RPP30: variants seen among roughly 807,000 people sequenced by gnomAD.
RPP30 encodes ribonuclease P protein subunit p30.
In RPP30, 36 loss-of-function variants were observed where a neutral mutation model predicts 38.6. That is an observed-to-expected ratio of 0.93 (90% CI 0.71 to 1.23). The LOEUF is 1.23. Ranked by LOEUF, RPP30 falls within the 50% of genes most tolerant of loss-of-function variation. RPP30 has a pLI of 0.00. For missense variants in RPP30, 321 were observed against 321.7 expected (o/e 1.00, Z 0.02); for synonymous variants, 126 against 112.7 (o/e 1.12, Z -0.75).
At chr10:90,899,095 A>C (rs1169155755) in intron 10 of RPP30, among the ~76,000 whole-genome samples, 1 of 152,250 alleles carries the variant, frequency 6.6e-6, no homozygotes, top group African/African-American at 2.4e-5. Flanking sequence ...AAAGAAATTA[A>C]TGCATTTTGT....
At chr10:90,884,825 C>T (rs1846977733) in intron 5 of RPP30, among the ~76,000 whole-genome samples, 1 of 152,178 alleles carries the variant, frequency 6.6e-6, no homozygotes, top group Admixed American at 6.5e-5. Flanking sequence ...TGGTACATGC[C>T]ACTGATGTTG....
intron 5 of RPP30, 34 bp downstream of exon 5, chr10:90,879,168 T>C (rs777570254): frequency 8.3e-5 from 124 of 1,501,290 alleles, no homozygotes; most frequent in Non-Finnish European, 9.7e-5. Context: ...AAGTAGTGTA[T>C]ATATGTTATA....
At chr10:90,882,664 A>G (rs1046599470) in intron 5 of RPP30, among the ~76,000 whole-genome samples, 1 of 151,360 alleles carries the variant, frequency 6.6e-6, no homozygotes, top group Admixed American at 6.6e-5. Context: ...CTCCGTCTCA[A>G]AGAAAAAAGT....
At chr10:90,881,120 A>G (rs1044928330) in intron 5 of RPP30, among the ~76,000 whole-genome samples, 1 of 152,248 alleles carries the variant, frequency 6.6e-6, no homozygotes, top group Non-Finnish European at 1.5e-5. Context: ...TTTGAAGATC[A>G]TGCAACTTAC....
chr10:90,899,021 T>G (rs1250871325), intron 10 of RPP30, among the ~76,000 whole-genome samples: 1 of 152,326 alleles, frequency 6.6e-6, no homozygotes, highest in East Asian at 1.9e-4. Flanking sequence ...TTTTATAAAC[T>G]AAAGCATACA....
At chr10:90,889,352 C>T (rs1847044628) in intron 6 of RPP30, among the ~76,000 whole-genome samples, 1 of 149,088 alleles carries the variant, frequency 6.7e-6, no homozygotes, top group South Asian at 2.2e-4. Flanking sequence ...TCTGTCCACC[C>T]ACGCTGGAGT....
At chr10:90,875,649 AT>A in intron 3 of RPP30, 35 bp downstream of exon 3, 2 of 1,558,642 alleles carry the variant, frequency 1.3e-6, no homozygotes, top group Non-Finnish European at 8.8e-7. Flanking sequence ...CATAATATCT[AT>A]TTATTCAGTT....
intron 10 of RPP30, among the ~76,000 whole-genome samples, chr10:90,898,501 T>G (rs189325425): frequency 6.6e-6 from 1 of 152,154 alleles, no homozygotes; most frequent in Non-Finnish European, 1.5e-5. Context: ...CAAAGCCTCG[T>G]TATTATACTC....
At chr10:90,896,022 AGTTT>A in intron 9 of RPP30, 105 bp downstream of exon 9, 1 of 868,018 alleles carries the variant, frequency 1.2e-6, no homozygotes, top group East Asian at 2.5e-5. Flanking sequence ...TTTTACTGTA[AGTTT>A]ACCAATTAAT....
intron 8 of RPP30, 106 bp downstream of exon 8, chr10:90,895,589 C>A (rs1477871165): frequency 3.2e-6 from 2 of 626,522 alleles, no homozygotes; most frequent in African/African-American, 4.0e-5. Context: ...GCATTTTTTT[C>A]TATTTTAACT....
downstream of RPP30, among the ~76,000 whole-genome samples, chr10:90,907,517 C>G (rs543447900): frequency 1.1e-3 from 166 of 152,284 alleles, no homozygotes; most frequent in Middle Eastern, 3.4e-3. Flanking sequence ...ATGGACTATG[C>G]GTATACACTC....
At chr10:90,897,518 A>G (rs1480707086) in intron 10 of RPP30, among the ~76,000 whole-genome samples, 3 of 152,188 alleles carry the variant, frequency 2.0e-5, no homozygotes, top group Non-Finnish European at 4.4e-5. Context: ...GGAGTGGTCA[A>G]ATTAATGGAG....
At chr10:90,899,937 TTGAACTCTGC>T (rs779510306) in intron 10 of RPP30, among the ~76,000 whole-genome samples, 55 of 152,310 alleles carry the variant, frequency 3.6e-4, no homozygotes, top group Non-Finnish European at 6.5e-4. Flanking sequence ...TAAATTTAAG[TTGAACTCTGC>T]TGCCAGCCTA....
At chr10:90,878,403 T>G (rs1013321304) in intron 4 of RPP30, among the ~76,000 whole-genome samples, 5 of 152,152 alleles carry the variant, frequency 3.3e-5, no homozygotes, top group African/African-American at 1.2e-4. Flanking sequence ...ATTCAGAGAT[T>G]GTATGTTTGT....
intron 6 of RPP30, among the ~76,000 whole-genome samples, chr10:90,892,265 T>C (rs1213403006): frequency 1.3e-5 from 2 of 152,228 alleles, no homozygotes; most frequent in Non-Finnish European, 2.9e-5. Flanking sequence ...TGCATCAAAA[T>C]GGTCTTACAG....
At chr10:90,878,837 A>G (rs376266031) in intron 4 of RPP30, among the ~76,000 whole-genome samples, 3 of 152,248 alleles carry the variant, frequency 2.0e-5, no homozygotes, top group South Asian at 4.1e-4. Context: ...GTACATGGTT[A>G]AAGTATAACA....
chr10:90,881,201 G>A (rs1036873744), intron 5 of RPP30, among the ~76,000 whole-genome samples: 5 of 152,108 alleles, frequency 3.3e-5, no homozygotes, highest in African/African-American at 9.7e-5. Context: ...TTTCAAAAAC[G>A]TTTACATATT....
chr10:90,907,465 C>T (rs768123961), downstream of RPP30, among the ~76,000 whole-genome samples: 1 of 152,184 alleles, frequency 6.6e-6, no homozygotes, highest in Non-Finnish European at 1.5e-5. Context: ...TCTCACAACT[C>T]TATATGTGTC....
downstream of RPP30, among the ~76,000 whole-genome samples, chr10:90,907,511 A>G (rs185330785): frequency 1.3e-3 from 203 of 152,344 alleles, no homozygotes; most frequent in African/African-American, 4.6e-3. Context: ...CTGGTTATGG[A>G]CTATGCGTAT....
Sources: gnomAD v4.1 joint callset for allele counts (sites outside exome capture counted in the v4.1 genomes callset) on GRCh38, gnomAD v4.1.1 for gene constraint, MANE v1.5 for transcripts, NCBI Gene and HGNC (gene_info 2026-07-23, HGNC 2026-07-21) for gene names.